Variants in AHNAK observed in about 807,000 individuals in gnomAD.
The protein encoded by AHNAK is neuroblast differentiation-associated protein AHNAK.
In AHNAK, 23 loss-of-function variants were observed where a neutral mutation model predicts 37.8. The observed-to-expected ratio is 0.61, with a 90% CI of 0.44 to 0.86. The LOEUF is 0.86. AHNAK is among the 40% of genes least tolerant of loss of function. The probability of loss-of-function intolerance (pLI) is 0.00; values close to 1 mark genes in which losing one functional copy is unlikely to be tolerated. For synonymous variants in AHNAK, 2,481 were observed against 2,636.3 expected, an observed-to-expected ratio of 0.94 and a Z score of 1.80; for missense variants, 7,411 against 7,319.4, an observed-to-expected ratio of 1.01 and a Z score of -0.46.
intron 1 of AHNAK, among the ~76,000 whole-genome samples, chr11:62,539,835 T>C (rs1941069631): frequency 6.6e-6 from 1 of 152,216 alleles, no homozygotes; most frequent in African/African-American, 2.4e-5. Flanking sequence ...GGCCCTGCTG[T>C]CCTGGCACAG....
intron 5 of AHNAK, among the ~76,000 whole-genome samples, chr11:62,470,326 A>G (rs367593406): frequency 3.3e-5 from 5 of 152,132 alleles, no homozygotes; most frequent in Admixed American, 6.6e-5. Context: ...TGCGCCTGTA[A>G]TCCCAGCTAC....
At position 62,525,013 on chromosome 11, in the gene AHNAK, T is replaced by A; in HGVS notation, c.9404A>T (p.Asn3135Ile). ...VDIKGPKVDI[N>I]APDVDVQGPD... ...GCCTTGAACATCCACATCTGGGGCA[T>A]TAATATCCACTTTGGGGCCTTTAAT... Residue 3135 changes from asparagine to isoleucine, a missense_variant, in exon 5 of 5, where the codon AAT (asparagine) becomes ATT (isoleucine). Coordinates refer to ENST00000378024, the MANE Select transcript of AHNAK (RefSeq NM_001620.3). 1 of 1,613,532 alleles carries A rather than the reference T, an allele frequency of 6.2e-7. No individual in the cohort carries two copies. The highest frequency in any genetic ancestry group is 2.2e-5 in the East Asian group (1 of 44,844).
intron 5 of AHNAK, among the ~76,000 whole-genome samples, chr11:62,482,699 T>C (rs759210247): frequency 1.3e-5 from 2 of 152,184 alleles, no homozygotes; most frequent in Admixed American, 6.5e-5. Flanking sequence ...CCCTCCCTCA[T>C]ACTCTTTTCC....
intron 4 of AHNAK, among the ~76,000 whole-genome samples, chr11:62,492,075 C>G (rs908161779): frequency 6.6e-6 from 1 of 152,074 alleles, no homozygotes; most frequent in South Asian, 2.1e-4. Flanking sequence ...TGTGAAAGCC[C>G]GGGGAATCTC....
rs376883340 is a variant in AHNAK at position 62,531,754 on chromosome 11, G to A, written c.2663C>T (p.Pro888Leu). 1 of 1,613,838 alleles carries A rather than the reference G, an allele frequency of 6.2e-7. No homozygotes were observed. Among genetic ancestry groups the A allele is most frequent in the South Asian group, 1.1e-5 (1 of 91,068 alleles). The change falls in exon 5 of 5, where the codon CCT (proline) becomes CTT (leucine). Residue 888 changes from proline (P) to leucine (L), a missense_variant. Coordinates refer to ENST00000378024, the MANE Select transcript of AHNAK (RefSeq NM_001620.3). ...TTCTGGGCCCTCTGCTTTGAAGCCA[G>A]GCATGCTGAACTTGGGCATTTTCAT... Reference protein sequence around the residue: ...PKMKMPKFSMPGFKAEGPEVD... With the variant: ...PKMKMPKFSMLGFKAEGPEVD...
At position 62,527,716 on chromosome 11, in the gene AHNAK, A is replaced by T. The variant is rs751696371; in HGVS notation, c.6701T>A (p.Val2234Asp). 1 of 1,613,944 alleles carries T rather than the reference A, an allele frequency of 6.2e-7. No homozygotes were observed. The highest frequency in any genetic ancestry group is 2.2e-5 in the East Asian group (1 of 44,880). ...KVDIDAPDVD[V>D]HGPDWHLKMP... Reference sequence around the variant, plus strand: ...CTTCAGGTGCCAGTCTGGGCCATGAACATCCACATCTGGGGCATCAATGTC... The same window carrying T: ...CTTCAGGTGCCAGTCTGGGCCATGATCATCCACATCTGGGGCATCAATGTC... The change falls in exon 5 of 5, where the codon GTT becomes GAT. Residue 2234 changes from valine to aspartate, a missense_variant. By Grantham distance (152) the Val-to-Asp change is radical. Transcript: ENST00000378024.
Position 62,530,696 on chromosome 11 carries a change from G to A in AHNAK, c.3721C>T (p.Pro1241Ser), listed in dbSNP as rs368345679. 45 of 1,613,464 alleles carry A rather than the reference G, an allele frequency of 2.8e-5. No individual in the cohort carries two copies. In the African/African-American group the frequency reaches 5.9e-4, roughly 21 times the overall value. Residue 1241 changes from proline to serine, a missense_variant, in exon 5 of 5, where the codon CCA becomes TCA. Pro to Ser is a moderately conservative substitution (Grantham distance 74, BLOSUM62 -1). Transcript: ENST00000378024. Reference protein sequence around the residue: ...IKGPKMDIDAPDVEVQGPDWH... With the variant: ...IKGPKMDIDASDVEVQGPDWH... The stretch of plus-strand genomic sequence containing the variant: ...TCTGGGCCTTGAACCTCCACATCTG[G>A]GGCATCAATGTCCATTTTGGGTCCT...
chr11:62,444,629 C>G (rs1938386280), intron 5 of AHNAK, among the ~76,000 whole-genome samples: 1 of 152,232 alleles, frequency 6.6e-6, no homozygotes, highest in Admixed American at 6.5e-5. Flanking sequence ...GGTTTTCTTT[C>G]TCCTGCTAGA....
At chr11:62,464,060 G>C (rs1055657873) in intron 5 of AHNAK, among the ~76,000 whole-genome samples, 1 of 148,378 alleles carries the variant, frequency 6.7e-6, no homozygotes, top group Non-Finnish European at 1.5e-5. Context: ...GAGCTACCGT[G>C]CCCGATGAGT....
intron 1 of AHNAK, among the ~76,000 whole-genome samples, chr11:62,542,402 G>C (rs890333896): frequency 2.0e-5 from 3 of 152,058 alleles, no homozygotes; most frequent in Non-Finnish European, 4.4e-5. Context: ...CCACCAGGAG[G>C]AAGTTTTTCC....
downstream of AHNAK, among the ~76,000 whole-genome samples, chr11:62,514,633 C>T (rs1182251396): frequency 2.6e-5 from 4 of 152,192 alleles, no homozygotes; most frequent in African/African-American, 4.8e-5. Context: ...AATACCTGGA[C>T]GAACTCTGGC....
intron 5 of AHNAK, among the ~76,000 whole-genome samples, chr11:62,442,479 T>C (rs1938327742): frequency 6.6e-6 from 1 of 152,014 alleles, no homozygotes; most frequent in African/African-American, 2.4e-5. Flanking sequence ...GGCCGGGAAG[T>C]CAAGGCTGTG....
rs1235379113 is a variant in AHNAK, at chr11:62,517,154, C to A, written c.17263G>T (p.Gly5755Ter). The change falls in exon 5 of 5, where the codon GGA becomes TGA. Residue 5755 changes from glycine to a stop codon, truncating the protein, a stop_gained. Coordinates refer to ENST00000378024, the MANE Select transcript of AHNAK (RefSeq NM_001620.3). LOFTEE classifies it high-confidence loss of function. ...GAAGAGGCTTCGGCCTCTGCCTCTCCTTCCAGAGAGCCCAGGCTGGCCTTT... is the reference window on the plus strand; with the variant it reads ...GAAGAGGCTTCGGCCTCTGCCTCTCATTCCAGAGAGCCCAGGCTGGCCTTT... ...SSKASLGSLE[G>*]EAEAEASSPK... 2.5e-6 allele frequency: 4 copies of A among 1,613,066 alleles called. No homozygotes were observed. In the Admixed American group the frequency reaches 6.7e-5, roughly 27 times the overall value.
intron 5 of AHNAK, among the ~76,000 whole-genome samples, chr11:62,446,464 G>A (rs986485321): frequency 6.6e-6 from 1 of 152,154 alleles, no homozygotes; most frequent in Non-Finnish European, 1.5e-5. Context: ...AAAACCCAAG[G>A]AGTGAGCTTT....
intron 1 of AHNAK, among the ~76,000 whole-genome samples, chr11:62,537,976 C>T (rs534245707): frequency 3.8e-4 from 58 of 152,172 alleles, no homozygotes; most frequent in African/African-American, 1.3e-3. Context: ...CCACCGCACC[C>T]GGCCGACCGA....
chr11:62,526,693 T>G lies in AHNAK; in HGVS notation c.7724A>C (p.Lys2575Thr). 3 of 1,613,104 alleles carry G rather than the reference T, an allele frequency of 1.9e-6. No homozygotes were observed. The highest frequency in any genetic ancestry group is 2.5e-6 in the Non-Finnish European group (3 of 1,179,852). Residue 2575 changes from lysine (K) to threonine (T), a missense_variant, in exon 5 of 5, where the codon AAA (lysine) becomes ACA (threonine). Coordinates refer to ENST00000378024, the MANE Select transcript of AHNAK (RefSeq NM_001620.3). ...GTCAGGCATGGAGATCTTGGGGGCTTTGATGTTCATCTCTGGCATCTTTAA... is the reference window on the plus strand; with the variant it reads ...GTCAGGCATGGAGATCTTGGGGGCTGTGATGTTCATCTCTGGCATCTTTAA... ...PKLKMPEMNI[K>T]APKISMPDFD... is the part of the protein sequence containing the mutation.
intron 5 of AHNAK, among the ~76,000 whole-genome samples, chr11:62,484,784 CTGTTT>C (rs1373143056): frequency 6.6e-6 from 1 of 151,996 alleles, no homozygotes; most frequent in Non-Finnish European, 1.5e-5. Flanking sequence ...TTGTTTTGTT[CTGTTT>C]TGTTTTGTTT....
intron 5 of AHNAK, among the ~76,000 whole-genome samples, chr11:62,450,892 G>T (rs1348283335): frequency 1.3e-5 from 2 of 152,240 alleles, no homozygotes; most frequent in African/African-American, 4.8e-5. Flanking sequence ...AGAGAAGGTG[G>T]GTGGCAAGCT....
chr11:62,546,628 C>G (rs1298169000), intron 1 of AHNAK, 32 bp downstream of exon 1: 1 of 152,304 alleles, frequency 6.6e-6, no homozygotes, highest in Non-Finnish European at 1.5e-5. Flanking sequence ...CCCCGGACCC[C>G]GATGGCGCCA....
Sources: gnomAD v4.1 joint callset for allele counts (sites outside exome capture counted in the v4.1 genomes callset) on GRCh38, gnomAD v4.1.1 for gene constraint, MANE v1.5 for transcripts, NCBI Gene and HGNC (gene_info 2026-07-23, HGNC 2026-07-21) for gene names.